The following TUB variants were observed in gnomAD, a reference collection of about 807,000 sequenced individuals.
TUB encodes tubby protein homolog.
In TUB, 33 loss-of-function variants were observed where a neutral mutation model predicts 59.7. That is an observed-to-expected ratio of 0.55 (90% confidence interval 0.42 to 0.74). The LOEUF (loss-of-function observed/expected upper bound fraction) is 0.74, where lower values mean the gene tolerates loss of function less well. Ranked by LOEUF, TUB falls within the 30% of genes least tolerant of loss-of-function variation. The probability of loss-of-function intolerance (pLI) is 0.00; values close to 1 mark genes in which losing one functional copy is unlikely to be tolerated. For synonymous variants in TUB, 293 were observed against 256.4 expected, an observed-to-expected ratio of 1.14 and a Z score of -1.36; for missense variants, 659 against 672.0, an observed-to-expected ratio of 0.98 and a Z score of 0.21.
intron 2 of TUB, among the ~76,000 whole-genome samples, chr11:8,040,965 G>A (rs1271503449): frequency 6.6e-6 from 1 of 152,208 alleles, no homozygotes; most frequent in East Asian, 1.9e-4. Context: ...CAAGTTTGTG[G>A]TAGACTCAGA....
upstream of TUB, among the ~76,000 whole-genome samples, chr11:8,081,197 C>T (rs1272128714): frequency 6.6e-6 from 1 of 151,384 alleles, no homozygotes; most frequent in Non-Finnish European, 1.5e-5. Flanking sequence ...GGCAGGCCGC[C>T]GCTGCCACGC....
intron 2 of TUB, among the ~76,000 whole-genome samples, chr11:8,043,563 GTCT>G (rs1942786057): frequency 6.6e-6 from 1 of 152,282 alleles, no homozygotes; most frequent in Admixed American, 6.5e-5. Context: ...AATACAGGAT[GTCT>G]TCTTGTTTAT....
At chr11:8,082,983 A>T (rs1319593466) in intron 1 of TUB, among the ~76,000 whole-genome samples, 1 of 152,214 alleles carries the variant, frequency 6.6e-6, no homozygotes, top group Non-Finnish European at 1.5e-5. Context: ...CACATGGATT[A>T]GGGAGCTGTT....
chr11:8,093,612 C>T (rs1413496833), intron 3 of TUB, among the ~76,000 whole-genome samples: 1 of 152,188 alleles, frequency 6.6e-6, no homozygotes, highest in Non-Finnish European at 1.5e-5. Context: ...CGCAGAGCCC[C>T]CTCGTAGGCT....
At chr11:8,099,784 G>A (rs1233806021) in intron 9 of TUB, among the ~76,000 whole-genome samples, 1 of 152,038 alleles carries the variant, frequency 6.6e-6, no homozygotes, top group East Asian at 1.9e-4. Flanking sequence ...GGTAGCTCTT[G>A]AGTAAAGACC....
intron 1 of TUB, among the ~76,000 whole-genome samples, chr11:8,027,028 A>AT (rs1300621337): frequency 6.6e-6 from 1 of 152,212 alleles, no homozygotes; most frequent in African/African-American, 2.4e-5. Flanking sequence ...TTTCAATGAT[A>AT]TTATAAAAGG....
chr11:8,087,419 C>T (rs1312347788), intron 1 of TUB, among the ~76,000 whole-genome samples: 2 of 152,222 alleles, frequency 1.3e-5, no homozygotes, highest in African/African-American at 4.8e-5. Flanking sequence ...GTGGAATGGC[C>T]CCTCCTGCTG....
chr11:8,057,642 C>T (rs2133766538), intron 2 of TUB, among the ~76,000 whole-genome samples: 1 of 152,302 alleles, frequency 6.6e-6, no homozygotes, highest in African/African-American at 2.4e-5. Flanking sequence ...ATCTTGTCCC[C>T]TGCGAAGTCA....
At chr11:8,022,895 A>AAAAAC (rs372849083) in intron 1 of TUB, among the ~76,000 whole-genome samples, 6 of 152,338 alleles carry the variant, frequency 3.9e-5, no homozygotes, top group East Asian at 3.9e-4. Context: ...ACTGTGTCTC[A>AAAAAC]AAAACAAAAC....
rs1421538922 is a variant in TUB at position 8,071,036 on chromosome 11, A to C, written c.204-18574A>C. Among the ~76,000 whole-genome samples the C allele has an allele frequency of 2.0e-5, 3 of 151,916 alleles. No homozygotes were observed. In the East Asian group the frequency reaches 5.8e-4, roughly 29 times the overall value. On this transcript the variant is annotated intron_variant, in intron 2 of 12. Coordinates refer to the TUB transcript ENST00000305253. ...TGTTTTAAGTGGTTTATATATATTA[A>C]CTATTAAGTCCCCAGGACAGCCCAA...
chr11:8,101,608 G>A lies in TUB; in HGVS notation c.1510G>A (p.Ala504Thr). ...CCTGTCCAGCTTCGACAGCAAGCTG[G>A]CGTGCGAGTAGAGGCCTCTTCGTGC... The part of the protein sequence containing the change: ...IALSSFDSKL[A>T]CE Residue 504 changes from alanine to threonine, a missense_variant, in exon 12 of 12, where the codon GCG becomes ACG. Physicochemically the swap from Ala to Thr is moderately conservative, Grantham distance 58. This residue lies in a region of TUB where 226 missense variants were observed against 210.8 expected (regional missense o/e 1.07). Coordinates refer to ENST00000299506, the MANE Select transcript of TUB (RefSeq NM_177972.3). 6.2e-7 allele frequency: 1 copy of A among 1,614,232 alleles called. No homozygotes were observed. The highest frequency in any genetic ancestry group is 1.1e-5 in the South Asian group (1 of 91,082).
At chr11:8,036,842 G>T (rs1181734693), upstream of TUB, among the ~76,000 whole-genome samples, 2 of 152,180 alleles carry the variant, frequency 1.3e-5, no homozygotes, top group Non-Finnish European at 2.9e-5. Context: ...CCAGCCTTAA[G>T]GTAAGAATGG....
intron 11 of TUB, 83 bp from the exon 12 acceptor site, chr11:8,101,403 G>T (rs935278862): frequency 2.4e-5 from 37 of 1,547,086 alleles, no homozygotes; most frequent in Non-Finnish European, 3.1e-5. Context: ...TCCCTCATGT[G>T]GTTTGGGTGT....
rs759281294 is a variant in TUB, at chr11:8,106,067, G to C, written c.*4448G>C. ...GCGTTTTAGACAAATTTGCAAAACTGTGCTTTTATTGACTTTTTGAATAAA... is the reference window on the plus strand; with the variant it reads ...GCGTTTTAGACAAATTTGCAAAACTCTGCTTTTATTGACTTTTTGAATAAA... On this transcript the variant is annotated 3_prime_UTR_variant, in exon 12 of 12. Transcript: ENST00000299506. 6.6e-6 allele frequency: 1 copy of C among 152,194 alleles called. No homozygotes were observed. The highest frequency in any genetic ancestry group is 1.5e-5 in the Non-Finnish European group (1 of 68,026). 9.4% of individuals were successfully genotyped at this position (152,194 alleles called of 1,614,324 possible). A position where few individuals can be genotyped will look rare whatever the true frequency, so the allele number is the denominator to read the frequency against.
chr11:8,095,704 A>C, intron 5 of TUB, 39 bp downstream of exon 5: 224 of 1,549,054 alleles, frequency 1.4e-4, no homozygotes, highest in Non-Finnish European at 1.8e-4. Context: ...CCCAAAACTC[A>C]GTCCCAGGTT....
At chr11:8,064,536 T>A (rs974307381) in intron 2 of TUB, among the ~76,000 whole-genome samples, 5 of 151,996 alleles carry the variant, frequency 3.3e-5, no homozygotes, top group African/African-American at 9.7e-5. Flanking sequence ...TTTGCTGGGG[T>A]CTGGGCCCTC....
exon 1 of TUB, chr11:8,038,653 C>A: frequency 7.5e-7 from 1 of 1,332,624 alleles, no homozygotes; most frequent in South Asian, 1.8e-5. Context: ...CAGTCTGGTC[C>A]TGAAGGGTTT....
At chr11:8,043,426 A>G (rs530453457) in intron 2 of TUB, among the ~76,000 whole-genome samples, 2 of 152,204 alleles carry the variant, frequency 1.3e-5, no homozygotes, top group South Asian at 2.1e-4. Flanking sequence ...TTTTCTTACA[A>G]ATTTTAGAAT....
Position 8,031,898 on chromosome 11 carries a change from C to G in TUB, c.56+12540C>G, listed in dbSNP as rs1476020277. Among the ~76,000 whole-genome samples, 15 of 152,340 alleles carry G rather than the reference C, an allele frequency of 9.8e-5. 3 individuals carry two copies. The South Asian group carries it at 2.9e-3, about 29-fold the overall frequency. On this transcript the variant is annotated intron_variant, in intron 1 of 11. Coordinates refer to the TUB transcript ENST00000534099. ...CGGTGCAGGGTTACTCCCCCGCCCC[C>G]CTCGGGCCACTTCGCCTTCCGCGGG...
Sources: gnomAD v4.1 joint callset for allele counts (sites outside exome capture counted in the v4.1 genomes callset) on GRCh38, gnomAD v4.1.1 for gene constraint, gnomAD v4.1.1 regional missense constraint, MANE v1.5 for transcripts, NCBI Gene and HGNC (gene_info 2026-07-23, HGNC 2026-07-21) for gene names.